SYT5: variants seen among roughly 807,000 people sequenced by gnomAD.
The protein encoded by SYT5 is synaptotagmin 5, also known as synaptotagmin-5.
In SYT5, 29 loss-of-function variants were observed where a neutral mutation model predicts 36.0. The ratio of observed to expected loss-of-function variants is 0.81; its 90% CI spans 0.60 to 1.10. The LOEUF (loss-of-function observed/expected upper bound fraction) is 1.10. Ranked by LOEUF, SYT5 falls within the 50% of genes least tolerant of loss-of-function variation. The pLI, the probability that SYT5 is intolerant of heterozygous loss-of-function variation, is 0.00. For missense variants in SYT5, 512 were observed against 516.0 expected (o/e 0.99, Z 0.08); for synonymous variants, 231 against 227.6 (o/e 1.02, Z -0.14).
rs1349721235 is a variant in SYT5 at position 55,172,015 on chromosome 19, G to C, written c.*1469C>G. 2 of 152,044 alleles carry C rather than the reference G, an allele frequency of 1.3e-5. No individual in the cohort carries two copies. The highest frequency in any genetic ancestry group is 4.8e-5 in the African/African-American group (2 of 41,350). 9.4% of individuals were successfully genotyped at this position (152,044 alleles called of 1,614,324 possible). On this transcript the variant is annotated 3_prime_UTR_variant, in exon 9 of 9. Transcript: ENST00000354308. The stretch of plus-strand genomic sequence containing the variant: ...GAATCGCTTGAACCCGGGAGGCAGG[G>C]GTTGCGGTGAGCCGAGATTGCACCA...
chr19:55,174,406 C>T (rs1599941628), intron 8 of SYT5, 111 bp downstream of exon 8: 2 of 1,393,188 alleles, frequency 1.4e-6, no homozygotes, highest in African/African-American at 3.0e-5. Flanking sequence ...GAGAGCATAA[C>T]CTCAGACCCC....
chr19:55,174,873 C>T lies in SYT5; in HGVS notation c.826+9G>A, dbSNP rs1432126551. 9.3e-6 allele frequency: 15 copies of T among 1,613,206 alleles called. No individual in the cohort carries two copies. Among genetic ancestry groups the T allele is most frequent in the Non-Finnish European group, 1.2e-5 (14 of 1,179,188 alleles). ...CCCCACACACCCCACTCCCTTGCTT[C>T]CCACACACCTGACAGTCCTCCTACG... is the stretch of plus-strand genomic sequence containing the variant. On this transcript the variant is annotated intron_variant, in intron 7 of 8. Transcript: ENST00000354308.
At position 55,174,512 on chromosome 19, in the gene SYT5, C is replaced by G. The variant is rs1359659729; in HGVS notation, c.960+5G>C. 1 of 1,613,446 alleles carries G rather than the reference C, an allele frequency of 6.2e-7. No homozygotes were observed. Among genetic ancestry groups the G allele is most frequent in the Non-Finnish European group, 8.5e-7 (1 of 1,179,626 alleles). On this transcript the variant is annotated splice_donor_5th_base_variant and intron_variant, in intron 8 of 8. Transcript: ENST00000354308. ...GCTCTTGGAGAAGGGCAGGTTTGAG[C>G]TCACCTGGACTTGGTCACAGGGCAC...
intron 3 of SYT5, chr19:55,176,355 A>G (rs2086077405): frequency 1.8e-6 from 1 of 569,566 alleles, no homozygotes; most frequent in East Asian, 3.0e-5. Context: ...ATGGGCAGGA[A>G]CTAGACATGT....
rs941585400 is a variant in SYT5, at chr19:55,176,202, C to T, written c.253-78G>A. On this transcript the variant is annotated intron_variant, in intron 3 of 8. Coordinates refer to ENST00000354308, the MANE Select transcript of SYT5 (RefSeq NM_003180.3). Reference sequence around the variant, plus strand: ...CATCAGGCTCAGAAGCCAAGGGAGGCTCACAGGTCCCTTGGGCTATACCTG... The same window carrying T: ...CATCAGGCTCAGAAGCCAAGGGAGGTTCACAGGTCCCTTGGGCTATACCTG... 4.3e-5 allele frequency: 68 copies of T among 1,593,670 alleles called. No individual in the cohort carries two copies. In the Middle Eastern group the frequency reaches 8.8e-4, roughly 21 times the overall value.
At chr19:55,176,222 T>C in intron 3 of SYT5, 98 bp from the exon 4 acceptor site, 1 of 1,545,354 alleles carries the variant, frequency 6.5e-7, no homozygotes, top group South Asian at 1.1e-5. Flanking sequence ...CCTTGGGCTA[T>C]ACCTGAGCTC....
rs752966640 is a variant in SYT5, at chr19:55,175,024, A to T, written c.709-25T>A. On this transcript the variant is annotated intron_variant, in intron 6 of 8. Coordinates refer to ENST00000354308, the MANE Select transcript of SYT5 (RefSeq NM_003180.3). The surrounding 1 kb of genome is among the most constrained non-coding windows in gnomAD (Gnocchi z 4.5). ...GCTGAAAGGAGAGGGGCCCATCACC[A>T]GAGCCCCGGCTCCACATCCATGCCT... 42 of 1,608,308 alleles carry T rather than the reference A, an allele frequency of 2.6e-5. No individual in the cohort carries two copies. The South Asian group carries it at 3.7e-4, about 14-fold the overall frequency.
chr19:55,178,118 G>A, intron 3 of SYT5, 78 bp downstream of exon 3: 1 of 1,498,982 alleles, frequency 6.7e-7, no homozygotes, highest in Non-Finnish European at 9.0e-7. Flanking sequence ...GAAGGGAGCA[G>A]GGACTGGGAC....
At chr19:55,174,842 C>T in intron 7 of SYT5, 40 bp downstream of exon 7, 9 of 1,597,132 alleles carry the variant, frequency 5.6e-6, no homozygotes, top group Non-Finnish European at 7.7e-6. Flanking sequence ...ACCCACCCCA[C>T]GCCATCCCCA....
intron 3 of SYT5, among the ~76,000 whole-genome samples, chr19:55,176,871 T>C (rs567628409): frequency 6.6e-6 from 1 of 152,250 alleles, no homozygotes; most frequent in East Asian, 1.9e-4. Flanking sequence ...AAATACCAAG[T>C]TAGTGACCAC....
chr19:55,179,973 G>C lies in SYT5; in HGVS notation c.-46+144C>G, dbSNP rs924686694. On this transcript the variant is annotated intron_variant, in intron 1 of 8. Transcript: ENST00000354308. The surrounding 1 kb of genome is among the most constrained non-coding windows in gnomAD (Gnocchi z 4.5). ...TTTGTCTTCTCCATACCTGTCTCGC[G>C]TCCCCAGATCCCTGTCTCTCCGCTT... The C allele has an allele frequency of 2.6e-5, 4 of 152,652 alleles. No individual in the cohort carries two copies. The highest frequency in any genetic ancestry group is 9.7e-5 in the African/African-American group (4 of 41,410). 9.5% of individuals were successfully genotyped at this position (152,652 alleles called of 1,614,324 possible). A position where few individuals can be genotyped will look rare whatever the true frequency, so the allele number is the denominator to read the frequency against.
intron 3 of SYT5, 93 bp downstream of exon 3, chr19:55,178,103 G>T: frequency 7.0e-7 from 1 of 1,438,066 alleles, no homozygotes; most frequent in African/African-American, 1.4e-5. Flanking sequence ...GGTTCCTATA[G>T]GACAGAAGGG....
At chr19:55,178,844 C>G (rs12104357) in intron 2 of SYT5, 119 bp downstream of exon 2, 2 of 1,141,802 alleles carry the variant, frequency 1.8e-6, no homozygotes, top group East Asian at 4.6e-5. Flanking sequence ...GATGACGACC[C>G]GGGATCCCAG....
chr19:55,173,676 C>A lies in SYT5; in HGVS notation c.969G>T (p.Gln323His), dbSNP rs1418455780. 9 of 1,412,874 alleles carry A rather than the reference C, an allele frequency of 6.4e-6. No individual in the cohort carries two copies. In the Admixed American group the frequency reaches 2.7e-4, roughly 43 times the overall value. 87.5% of individuals were successfully genotyped at this position (1,412,874 alleles called of 1,614,324 possible). The change falls in exon 9 of 9, where the codon CAG becomes CAT. Residue 323 changes from glutamine (Q) to histidine (H), a missense_variant. Gln to His is a conservative substitution (Grantham distance 24, BLOSUM62 0). Coordinates refer to ENST00000354308, the MANE Select transcript of SYT5 (RefSeq NM_003180.3). The surrounding 1 kb of genome is among the most constrained non-coding windows in gnomAD (Gnocchi z 5.4). ...EVPCDQVQKVQVELTVLDYDK... is the reference protein window; with the variant it reads ...EVPCDQVQKVHVELTVLDYDK... ...CGTAGTCCAGCACGGTCAGCTCCAC[C>A]TGCACCTTCTGGGGTGGGCGCGGGA...
At position 55,179,042 on chromosome 19, in the gene SYT5, G is replaced by A; in HGVS notation, c.-1C>T. 2 of 1,603,776 alleles carry A rather than the reference G, an allele frequency of 1.2e-6. No homozygotes were observed. Among genetic ancestry groups the A allele is most frequent in the African/African-American group, 1.3e-5 (1 of 74,640 alleles). On this transcript the variant is annotated 5_prime_UTR_variant, in exon 2 of 9. Transcript: ENST00000354308. This position sits in a 1 kb window ranked among gnomAD's most constrained non-coding sequence, Gnocchi z 4.5. ...CCGGGGTTGGGGGCTCCGGGAACAT[G>A]GTGGCGGGGTCCTGGAGTCTTTTCT...
chr19:55,179,143 C>A lies in SYT5; in HGVS notation c.-45-57G>T. 1.3e-6 allele frequency: 2 copies of A among 1,539,682 alleles called. No individual in the cohort carries two copies. The highest frequency in any genetic ancestry group is 1.7e-6 in the Non-Finnish European group (2 of 1,146,864). Reference sequence around the variant, plus strand: ...TGAGCCCCACGCACAACAAAGAACTCCAACTCCCATGAGGCCTTTGCGCGA... The same window carrying A: ...TGAGCCCCACGCACAACAAAGAACTACAACTCCCATGAGGCCTTTGCGCGA... On this transcript the variant is annotated intron_variant, in intron 1 of 8. Transcript: ENST00000354308. The surrounding 1 kb of genome is among the most constrained non-coding windows in gnomAD (Gnocchi z 4.5).
intron 3 of SYT5, chr19:55,177,466 G>GT (rs1439503926): frequency 1.3e-5 from 2 of 152,016 alleles, no homozygotes; most frequent in Non-Finnish European, 2.9e-5. Flanking sequence ...CTGACCCTCT[G>GT]TTTTAAACTT....
At chr19:55,178,830 C>T in intron 2 of SYT5, 133 bp downstream of exon 2, 1 of 864,954 alleles carries the variant, frequency 1.2e-6, no homozygotes, top group Non-Finnish European at 1.5e-6. Flanking sequence ...GCATTCCAGT[C>T]CAGGATGACG....
Position 55,175,312 on chromosome 19 carries a change from C to A in SYT5, c.568G>T (p.Val190Leu), listed in dbSNP as rs1401838982. 1.3e-6 allele frequency: 2 copies of A among 1,552,240 alleles called. No homozygotes were observed. The highest frequency in any genetic ancestry group is 4.0e-5 in the Admixed American group (2 of 49,434). ...KVPYVELGGR[V>L]LVMAVYDFDR... is the part of the protein sequence containing the mutation. ...AAGTCGTACACCGCCATGACCAGCACCCTGCCCCCCAGCTCCACGTAGGGG... is the reference window on the plus strand; with the variant it reads ...AAGTCGTACACCGCCATGACCAGCAACCTGCCCCCCAGCTCCACGTAGGGG... Residue 190 changes from valine to leucine, a missense_variant, in exon 6 of 9, where the codon GTG (valine) becomes TTG (leucine). Coordinates refer to ENST00000354308, the MANE Select transcript of SYT5 (RefSeq NM_003180.3). This position sits in a 1 kb window ranked among gnomAD's most constrained non-coding sequence, Gnocchi z 4.5.
Sources: gnomAD v4.1 joint callset for allele counts (sites outside exome capture counted in the v4.1 genomes callset) on GRCh38, gnomAD v4.1.1 for gene constraint, Gnocchi (gnomAD v3.1) non-coding constraint, MANE v1.5 for transcripts, NCBI Gene and HGNC (gene_info 2026-07-23, HGNC 2026-07-21) for gene names.